Variants in DIP2C observed in about 807,000 individuals in gnomAD.
DIP2C encodes the protein DIP2 acetate--CoA ligase C (putative).
In DIP2C, 33 loss-of-function variants were observed where a neutral mutation model predicts 192.4. That is an observed-to-expected ratio of 0.17 (90% CI 0.13 to 0.23). The LOEUF (loss-of-function observed/expected upper bound fraction) is 0.23. Ranked by LOEUF, DIP2C falls within the 10% of genes least tolerant of loss-of-function variation. The pLI is 1.00. For missense variants in DIP2C, 1,537 were observed against 2,110.1 expected (o/e 0.73, Z 5.32); for synonymous variants, 979 against 864.1 (o/e 1.13, Z -2.33).
At chr10:497,422 T>A (rs1844912673) in intron 1 of DIP2C, among the ~76,000 whole-genome samples, 1 of 152,194 alleles carries the variant, frequency 6.6e-6, no homozygotes, top group Non-Finnish European at 1.5e-5. Flanking sequence ...TACTTCCTGG[T>A]CATTCTGCTG....
chr10:337,616 CTGTG>C (rs1195989538), intron 29 of DIP2C, among the ~76,000 whole-genome samples: 134 of 121,164 alleles, frequency 1.1e-3, no homozygotes, highest in Non-Finnish European at 1.5e-3. Flanking sequence ...GCCTAGGCAG[CTGTG>C]TGTGTGTGCG....
At chr10:570,745 T>C (rs1003112547) in intron 1 of DIP2C, among the ~76,000 whole-genome samples, 2 of 152,360 alleles carry the variant, frequency 1.3e-5, no homozygotes, top group South Asian at 4.1e-4. Flanking sequence ...GTCCACAACC[T>C]ACTTTGCTCC....
chr10:508,106 C>T (rs1052086557), intron 1 of DIP2C, among the ~76,000 whole-genome samples: 1 of 148,044 alleles, frequency 6.8e-6, no homozygotes. Context: ...AGCCACCTTC[C>T]CCCAACGCCT....
chr10:453,985 G>C (rs1179446931), intron 3 of DIP2C, among the ~76,000 whole-genome samples: 1 of 152,222 alleles, frequency 6.6e-6, no homozygotes, highest in African/African-American at 2.4e-5. Context: ...ACATGCCTCT[G>C]TCACACTTCA....
At chr10:345,131 T>C in intron 26 of DIP2C, 21 bp from the exon 27 acceptor site, 1 of 1,602,702 alleles carries the variant, frequency 6.2e-7, no homozygotes. Context: ...AGAGCGAGAA[T>C]GGAGCCATGA....
At chr10:492,084 TTGCTC>T (rs1005766642) in intron 1 of DIP2C, among the ~76,000 whole-genome samples, 2 of 152,276 alleles carry the variant, frequency 1.3e-5, no homozygotes, top group East Asian at 3.9e-4. Flanking sequence ...AACCCAGTTG[TTGCTC>T]TGCTCTGATG....
chr10:485,802 C>T (rs1366608117), intron 2 of DIP2C, among the ~76,000 whole-genome samples: 2 of 152,188 alleles, frequency 1.3e-5, no homozygotes, highest in Non-Finnish European at 2.9e-5. Flanking sequence ...AGCCATTCCT[C>T]AAGCCTACCA....
chr10:559,033 G>C (rs982315461), intron 1 of DIP2C, among the ~76,000 whole-genome samples: 37 of 152,000 alleles, frequency 2.4e-4, no homozygotes, highest in Non-Finnish European at 2.9e-4. Context: ...GAATCTCAGA[G>C]GTTTTCAAGG....
chr10:653,719 A>T (rs2132026996), intron 1 of DIP2C, among the ~76,000 whole-genome samples: 2 of 152,344 alleles, frequency 1.3e-5, no homozygotes, highest in South Asian at 4.1e-4. Flanking sequence ...AGGGTGGGGA[A>T]CAGACGGCCC....
At chr10:400,134 T>G (rs936739878) in intron 9 of DIP2C, among the ~76,000 whole-genome samples, 3 of 151,000 alleles carry the variant, frequency 2.0e-5, no homozygotes, top group African/African-American at 7.4e-5. Flanking sequence ...AGCCTTGAAC[T>G]CCTGGGCTCC....
At chr10:455,770 C>A in intron 3 of DIP2C, among the ~76,000 whole-genome samples, 1 of 26,600 alleles carries the variant, frequency 3.8e-5, no homozygotes, top group Non-Finnish European at 7.3e-5. Context: ...TGAGTCCCTG[C>A]CTGAGGGGAG....
At chr10:594,226 A>G (rs963278232) in intron 1 of DIP2C, among the ~76,000 whole-genome samples, 2 of 151,798 alleles carry the variant, frequency 1.3e-5, no homozygotes, top group Admixed American at 6.6e-5. Flanking sequence ...TGTAAATAGC[A>G]CTCCTGCCAG....
chr10:497,678 C>T (rs1844934772), intron 1 of DIP2C, among the ~76,000 whole-genome samples: 1 of 152,194 alleles, frequency 6.6e-6, no homozygotes, highest in Admixed American at 6.5e-5. Context: ...GCTCCTCTGA[C>T]ACACGTAAGA....
At chr10:446,179 AAG>A (rs60827384) in intron 3 of DIP2C, among the ~76,000 whole-genome samples, 52,089 of 151,296 alleles carry the variant, frequency 0.34, 10,339 homozygotes, top group Non-Finnish European at 0.46. Context: ...ATCTGTTGCA[AAG>A]AGTCTATCTT....
At chr10:605,025 A>G (rs956332464) in intron 1 of DIP2C, among the ~76,000 whole-genome samples, 1 of 152,204 alleles carries the variant, frequency 6.6e-6, no homozygotes, top group African/African-American at 2.4e-5. Context: ...GCTTCAGAAG[A>G]CTATAAAGCA....
chr10:586,645 A>C (rs1004661706), intron 1 of DIP2C, among the ~76,000 whole-genome samples: 1 of 152,196 alleles, frequency 6.6e-6, no homozygotes, highest in Non-Finnish European at 1.5e-5. Context: ...GAGTTAACAG[A>C]TTTTTGTGAG....
intron 13 of DIP2C, 87 bp from the exon 14 acceptor site, chr10:387,896 G>A (rs1963112187): frequency 7.5e-7 from 1 of 1,336,420 alleles, no homozygotes; most frequent in African/African-American, 1.4e-5. Context: ...ATTGCATCAG[G>A]GGAAATAACA....
intron 1 of DIP2C, among the ~76,000 whole-genome samples, chr10:537,306 C>A (rs1031462495): frequency 6.6e-6 from 1 of 152,166 alleles, no homozygotes; most frequent in Admixed American, 6.5e-5. Flanking sequence ...TCTGTGATTT[C>A]GGGGTAAATG....
At chr10:307,025 A>G (rs1274436302) in intron 32 of DIP2C, among the ~76,000 whole-genome samples, 1 of 151,944 alleles carries the variant, frequency 6.6e-6, no homozygotes, top group Non-Finnish European at 1.5e-5. Context: ...CTCCCGGGAG[A>G]GCCGGTGGCT....
Sources: allele counts gnomAD v4.1 joint callset (sites outside exome capture counted in the v4.1 genomes callset), GRCh38; gene constraint gnomAD v4.1.1; transcripts MANE v1.5; gene names NCBI Gene and HGNC (gene_info 2026-07-23, HGNC 2026-07-21).